Variants in POMT2 observed in about 807,000 individuals in gnomAD.
The protein encoded by POMT2 is protein O-mannosyltransferase 2, also known as protein O-mannosyl-transferase 2.
POMT2 carries 75 observed loss-of-function variants against 100.0 expected under a neutral mutation model. The ratio of observed to expected loss-of-function variants is 0.75; its 90% CI spans 0.62 to 0.91. POMT2 has a LOEUF of 0.91. Ranked by LOEUF, POMT2 falls within the 40% of genes least tolerant of loss-of-function variation. POMT2 has a pLI of 0.00. For synonymous variants in POMT2, 378 were observed against 374.1 expected (o/e 1.01, Z -0.12); for missense variants, 940 against 955.1 (o/e 0.98, Z 0.21).
chr14:77,282,088 G>A (rs1322448963), intron 15 of POMT2, among the ~76,000 whole-genome samples: 1 of 152,188 alleles, frequency 6.6e-6, no homozygotes, highest in Non-Finnish European at 1.5e-5. Context: ...AATGAGGAAT[G>A]AATCATTCTG....
chr14:77,298,919 T>C (rs1594794524), intron 7 of POMT2, 148 bp from the exon 8 acceptor site: 2 of 831,130 alleles, frequency 2.4e-6, no homozygotes, highest in Non-Finnish European at 4.0e-6. Context: ...TTGGAGAAAC[T>C]GGGGTCCAAA....
At chr14:77,284,635 C>G (rs1343208290) in intron 14 of POMT2, among the ~76,000 whole-genome samples, 1 of 152,108 alleles carries the variant, frequency 6.6e-6, no homozygotes, top group African/African-American at 2.4e-5. Context: ...GGGAAAGTAG[C>G]AGCTTGCTCC....
chr14:77,280,263 C>A, intron 16 of POMT2, 129 bp downstream of exon 16: 3 of 1,559,202 alleles, frequency 1.9e-6, no homozygotes, highest in South Asian at 2.3e-5. Flanking sequence ...GATACTCCCA[C>A]CTCTGGCCAA....
intron 11 of POMT2, among the ~76,000 whole-genome samples, chr14:77,288,473 C>T (rs566811320): frequency 6.6e-6 from 1 of 152,126 alleles, no homozygotes; most frequent in East Asian, 1.9e-4. Context: ...GACTCTGAGG[C>T]CAGCCTGGGT....
rs1318210394 is a variant in POMT2 at position 77,311,948 on chromosome 14, C to A, written c.333+1G>T. 1 of 1,613,944 alleles carries A rather than the reference C, an allele frequency of 6.2e-7. No individual in the cohort carries two copies. Among genetic ancestry groups the A allele is most frequent in the Non-Finnish European group, 8.5e-7 (1 of 1,179,984 alleles). ...GAGCTGCTATTCACCACACTGCTCA[C>A]CTTTCCCAGGGGCGGGTGCACATCA... On this transcript the variant is annotated splice_donor_variant, in intron 2 of 20. Coordinates refer to ENST00000261534, the MANE Select transcript of POMT2 (RefSeq NM_013382.7). LOFTEE classifies it high-confidence loss of function.
At chr14:77,280,858 G>A (rs541713012) in intron 15 of POMT2, among the ~76,000 whole-genome samples, 124 of 152,280 alleles carry the variant, frequency 8.1e-4, no homozygotes, top group South Asian at 5.6e-3. Flanking sequence ...TTGGGAGGCC[G>A]AGGCGGGTGG....
intron 1 of POMT2, 134 bp downstream of exon 1, chr14:77,320,300 C>T: frequency 6.8e-7 from 1 of 1,475,276 alleles, no homozygotes; most frequent in Non-Finnish European, 9.1e-7. Flanking sequence ...GGCCAACCCA[C>T]CCGATACCTC....
intron 20 of POMT2, 62 bp downstream of exon 20, chr14:77,278,332 A>C: frequency 7.7e-7 from 1 of 1,305,714 alleles, no homozygotes; most frequent in East Asian, 2.5e-5. Context: ...TCTCGAATGC[A>C]TCAGGGCTGA....
At chr14:77,309,681 T>A (rs1425664488) in intron 2 of POMT2, among the ~76,000 whole-genome samples, 4 of 151,894 alleles carry the variant, frequency 2.6e-5, no homozygotes, top group Non-Finnish European at 1.5e-5. Context: ...ATTATTATAT[T>A]TATTTATTTA....
intron 13 of POMT2, 69 bp from the exon 14 acceptor site, chr14:77,285,110 C>G: frequency 7.6e-6 from 10 of 1,312,916 alleles, no homozygotes; most frequent in Non-Finnish European, 1.1e-5. Flanking sequence ...ACACTGTCTT[C>G]TGCTCTTAAA....
rs1890161252 is a variant in POMT2, at chr14:77,280,166, C to T, written c.1726-86G>A. On this transcript the variant is annotated intron_variant, in intron 16 of 20. Transcript: ENST00000261534. Reference sequence around the variant, plus strand: ...GGGGGAGGAAGATGGTCACCTTCCACAGACAGGGAGCCTGGACACGAACCT... The same window carrying T: ...GGGGGAGGAAGATGGTCACCTTCCATAGACAGGGAGCCTGGACACGAACCT... 4 of 1,607,084 alleles carry T rather than the reference C, an allele frequency of 2.5e-6. No individual in the cohort carries two copies. The East Asian group carries it at 6.7e-5, about 27-fold the overall frequency.
intron 1 of POMT2, among the ~76,000 whole-genome samples, chr14:77,312,818 G>A (rs995623054): frequency 2.0e-5 from 3 of 152,328 alleles, no homozygotes; most frequent in South Asian, 2.1e-4. Context: ...TATAAACCAT[G>A]AGTGTCACAG....
At chr14:77,278,652 C>G in intron 19 of POMT2, 77 bp downstream of exon 19, 1 of 1,581,302 alleles carries the variant, frequency 6.3e-7, no homozygotes, top group Non-Finnish European at 8.7e-7. Flanking sequence ...GGAGCAGAGT[C>G]ACTCCCAGCA....
chr14:77,304,477 G>A (rs910897485), intron 4 of POMT2, among the ~76,000 whole-genome samples: 3 of 152,114 alleles, frequency 2.0e-5, no homozygotes, highest in Admixed American at 6.5e-5. Context: ...TACCCACGCC[G>A]ATTCTCCCCT....
intron 14 of POMT2, among the ~76,000 whole-genome samples, chr14:77,284,632 T>A (rs1401192307): frequency 1.3e-5 from 2 of 152,016 alleles, no homozygotes; most frequent in Non-Finnish European, 2.9e-5. Context: ...AAAGGGAAAG[T>A]AGCAGCTTGC....
chr14:77,316,919 C>T (rs1891652141), intron 1 of POMT2, among the ~76,000 whole-genome samples: 2 of 152,224 alleles, frequency 1.3e-5, no homozygotes, highest in African/African-American at 4.8e-5. Flanking sequence ...GGAAACACAT[C>T]ATGGCTGCCT....
rs1889988231 is a variant in POMT2 at position 77,277,069 on chromosome 14, C to T, written c.*307G>A. On this transcript the variant is annotated 3_prime_UTR_variant, in exon 21 of 21. Coordinates refer to ENST00000261534, the MANE Select transcript of POMT2 (RefSeq NM_013382.7). ...ATTCCACAGGGATATGGACAACATG[C>T]CCTCACATACACACACGCGCACCCA... 1 of 427,788 alleles carries T rather than the reference C, an allele frequency of 2.3e-6. No homozygotes were observed. Among genetic ancestry groups the T allele is most frequent in the East Asian group, 4.5e-5 (1 of 22,350 alleles). The allele number at this position is 427,788 out of a possible 1,614,324, so 26.5% of individuals were successfully genotyped here.
intron 15 of POMT2, among the ~76,000 whole-genome samples, chr14:77,282,661 T>C (rs185263898): frequency 6.6e-6 from 1 of 151,732 alleles, no homozygotes; most frequent in Non-Finnish European, 1.5e-5. Context: ...AAGCAGAGAG[T>C]CAGAAAGGAA....
At chr14:77,300,902 C>A in intron 6 of POMT2, 188 bp downstream of exon 6, 1 of 900,660 alleles carries the variant, frequency 1.1e-6, no homozygotes, top group East Asian at 2.5e-5. Flanking sequence ...CCCTTGAACC[C>A]TATCCAGTCC....
Sources: allele counts gnomAD v4.1 joint callset (sites outside exome capture counted in the v4.1 genomes callset), GRCh38; gene constraint gnomAD v4.1.1; transcripts MANE v1.5; gene names NCBI Gene and HGNC (gene_info 2026-07-23, HGNC 2026-07-21).